The following ANGPT1 variants were observed in gnomAD, a reference collection of about 807,000 sequenced individuals.
ANGPT1 encodes the protein angiopoietin 1, also known as angiopoietin-1.
Under a neutral mutation model 62.2 loss-of-function variants are expected in ANGPT1, and 17 were observed. The observed-to-expected ratio is 0.27, with a 90% CI of 0.19 to 0.41. ANGPT1 has a LOEUF of 0.41. Ranked by LOEUF, ANGPT1 falls within the 10% of genes least tolerant of loss-of-function variation. The pLI, the probability that ANGPT1 is intolerant of heterozygous loss-of-function variation, is 1.00. For missense variants in ANGPT1, 478 were observed against 594.9 expected, an observed-to-expected ratio of 0.80 and a Z score of 2.04; for synonymous variants, 199 against 198.9, an observed-to-expected ratio of 1.00 and a Z score of 0.00.
chr8:107,286,693 T>TA (rs1563550957), intron 6 of ANGPT1, among the ~76,000 whole-genome samples: 1 of 152,172 alleles, frequency 6.6e-6, no homozygotes, highest in South Asian at 2.1e-4. Flanking sequence ...GCATTGAGTA[T>TA]ATACTCTTCT....
intron 3 of ANGPT1, among the ~76,000 whole-genome samples, chr8:107,332,735 C>CA (rs1439936617): frequency 6.6e-6 from 1 of 152,170 alleles, no homozygotes; most frequent in East Asian, 1.9e-4. Flanking sequence ...AAGTCCCACA[C>CA]CCAGACACAA....
chr8:107,402,652 C>T (rs1817068850), intron 1 of ANGPT1, among the ~76,000 whole-genome samples: 1 of 152,140 alleles, frequency 6.6e-6, no homozygotes, highest in Non-Finnish European at 1.5e-5. Context: ...CAAGTTAAGT[C>T]ACTGCCTTAA....
intron 1 of ANGPT1, among the ~76,000 whole-genome samples, chr8:107,472,018 T>C (rs1296099919): frequency 6.6e-6 from 1 of 152,080 alleles, no homozygotes; most frequent in East Asian, 1.9e-4. Flanking sequence ...TAGGCTCCTC[T>C]TGCTTTTTTG....
At chr8:107,375,329 C>A (rs1453039811) in intron 1 of ANGPT1, among the ~76,000 whole-genome samples, 2 of 152,064 alleles carry the variant, frequency 1.3e-5, no homozygotes, top group Non-Finnish European at 2.9e-5. Flanking sequence ...ATGCTTAAAT[C>A]CTTCTTTTGT....
Position 107,251,921 on chromosome 8 carries a change from G to C in ANGPT1, c.1431C>G (p.His477Gln). The C allele has an allele frequency of 6.2e-7, 1 of 1,613,960 alleles. No individual in the cohort carries two copies. Among genetic ancestry groups the C allele is most frequent in the Non-Finnish European group, 8.5e-7 (1 of 1,179,892 alleles). ...NHGKLNGIKW[H>Q]YFKGPSYSLR... ...AGGAGTAACTGGGCCCTTTGAAGTA[G>C]TGCCACTTTATCCCATTCAGTTTTC... The change falls in exon 9 of 9, where the codon CAC (histidine) becomes CAG (glutamine). Residue 477 changes from histidine to glutamine, a missense_variant. His to Gln is a conservative substitution (Grantham distance 24, BLOSUM62 0). Around this residue, in one of 4 missense-constraint regions of ANGPT1, gnomAD observed 35 missense variants for 49.6 expected, o/e 0.71. Coordinates refer to ENST00000517746, the MANE Select transcript of ANGPT1 (RefSeq NM_001146.5).
chr8:107,476,478 C>T (rs1184870581), intron 1 of ANGPT1, among the ~76,000 whole-genome samples: 2 of 151,992 alleles, frequency 1.3e-5, no homozygotes, highest in African/African-American at 4.8e-5. Flanking sequence ...GGAGATATAC[C>T]TAATGTAAAT....
intron 5 of ANGPT1, chr8:107,295,248 GTA>G (rs1814384653): frequency 6.6e-6 from 1 of 152,046 alleles, no homozygotes; most frequent in Admixed American, 6.6e-5. Context: ...CACACATACA[GTA>G]TGTCTTCATT....
At position 107,484,046 on chromosome 8, in the gene ANGPT1, A is replaced by C. The variant is rs1477437244; in HGVS notation, c.297+13216T>G. Among the ~76,000 whole-genome samples the C allele has an allele frequency of 3.3e-5, 5 of 152,248 alleles. No individual in the cohort carries two copies. The East Asian group carries it at 9.6e-4, about 29-fold the overall frequency. On this transcript the variant is annotated intron_variant, in intron 1 of 8. Transcript: ENST00000517746. ...TATGGTAAATTATTCTCATTGCCAA[A>C]GATGGTTATTTAGTATGGATAGATT...
intron 1 of ANGPT1, among the ~76,000 whole-genome samples, chr8:107,424,238 T>C (rs1480907487): frequency 6.6e-6 from 1 of 152,052 alleles, no homozygotes; most frequent in Non-Finnish European, 1.5e-5. Flanking sequence ...AAATGCTAAA[T>C]CTGAATCAAG....
At chr8:107,458,613 T>C (rs1811985312) in intron 1 of ANGPT1, among the ~76,000 whole-genome samples, 1 of 152,188 alleles carries the variant, frequency 6.6e-6, no homozygotes, top group Non-Finnish European at 1.5e-5. Flanking sequence ...TATATATTTT[T>C]AGATTCTAAA....
At chr8:107,402,917 G>A (rs1276876329) in intron 1 of ANGPT1, among the ~76,000 whole-genome samples, 1 of 152,090 alleles carries the variant, frequency 6.6e-6, no homozygotes, top group African/African-American at 2.4e-5. Context: ...TGTACATTTA[G>A]TACATTTAGT....
chr8:107,495,800 T>C (rs944027109), intron 1 of ANGPT1, among the ~76,000 whole-genome samples: 4 of 152,224 alleles, frequency 2.6e-5, no homozygotes, highest in African/African-American at 9.6e-5. Context: ...CTGAAAGTAA[T>C]GCATAAAATT....
chr8:107,350,723 G>T (rs1586246865), intron 1 of ANGPT1, among the ~76,000 whole-genome samples: 1 of 152,126 alleles, frequency 6.6e-6, no homozygotes, highest in Admixed American at 6.6e-5. Context: ...ATCAAATGGG[G>T]CTGCTTTCTC....
intron 3 of ANGPT1, among the ~76,000 whole-genome samples, chr8:107,335,091 A>T (rs1042848610): frequency 6.6e-6 from 1 of 152,200 alleles, no homozygotes; most frequent in Non-Finnish European, 1.5e-5. Flanking sequence ...GTTTGTAGAT[A>T]ATATGAAGAG....
intron 1 of ANGPT1, among the ~76,000 whole-genome samples, chr8:107,477,870 G>A (rs577062730): frequency 2.0e-5 from 3 of 152,114 alleles, no homozygotes; most frequent in Non-Finnish European, 2.9e-5. Flanking sequence ...TCACCGTTTT[G>A]GGTGCTTTCA....
chr8:107,257,894 TGTTTG>T (rs1563537336), intron 8 of ANGPT1, among the ~76,000 whole-genome samples: 7 of 101,450 alleles, frequency 6.9e-5, no homozygotes, highest in East Asian at 2.4e-4. Flanking sequence ...TTTGTTTGTT[TGTTTG>T]TTTGTTTGTT....
intron 1 of ANGPT1, among the ~76,000 whole-genome samples, chr8:107,370,220 G>T (rs374326948): frequency 1.1e-5 from 1 of 93,608 alleles, no homozygotes; most frequent in Non-Finnish European, 2.5e-5. Context: ...AGAAAGAAAG[G>T]AGAAAGGAAG....
intron 1 of ANGPT1, among the ~76,000 whole-genome samples, chr8:107,396,309 T>G (rs1011897007): frequency 6.6e-6 from 1 of 152,122 alleles, no homozygotes; most frequent in Non-Finnish European, 1.5e-5. Flanking sequence ...TCTGTGCATT[T>G]TGGCCCTTGT....
At chr8:107,446,390 A>G (rs1227405146) in intron 1 of ANGPT1, among the ~76,000 whole-genome samples, 1 of 152,218 alleles carries the variant, frequency 6.6e-6, no homozygotes, top group East Asian at 1.9e-4. Flanking sequence ...CAATAGCCCC[A>G]TGTGGCTAGC....
Sources: allele counts gnomAD v4.1 joint callset (sites outside exome capture counted in the v4.1 genomes callset), GRCh38; gene constraint gnomAD v4.1.1; regional missense constraint gnomAD v4.1.1; transcripts MANE v1.5; gene names NCBI Gene and HGNC (gene_info 2026-07-23, HGNC 2026-07-21).